The following CAMK2B variants were observed in gnomAD, a reference collection of about 807,000 sequenced individuals.
The protein encoded by CAMK2B is calcium/calmodulin dependent protein kinase II beta.
CAMK2B carries 27 observed loss-of-function variants against 93.7 expected under a neutral mutation model. The observed-to-expected ratio is 0.29, with a 90% confidence interval of 0.21 to 0.40. The LOEUF (loss-of-function observed/expected upper bound fraction) is 0.40, where lower values mean the gene tolerates loss of function less well. Ranked by LOEUF, CAMK2B falls within the 10% of genes least tolerant of loss-of-function variation. The pLI is 1.00. For synonymous variants in CAMK2B, 374 were observed against 358.8 expected, an observed-to-expected ratio of 1.04 and a Z score of -0.48; for missense variants, 568 against 895.8, an observed-to-expected ratio of 0.63 and a Z score of 4.67.
intron 5 of CAMK2B, among the ~76,000 whole-genome samples, chr7:44,253,908 T>TTG (rs201081002): frequency 0.014 from 2,137 of 150,222 alleles, 24 homozygotes; most frequent in Non-Finnish European, 0.02. Context: ...TCAGTTTTTT[T>TTG]TTTTTTTTTT....
chr7:44,317,248 G>GAAAAAAAA (rs556397526), intron 1 of CAMK2B, among the ~76,000 whole-genome samples: 1 of 105,138 alleles, frequency 9.5e-6, no homozygotes. Context: ...CAGGAAAAAT[G>GAAAAAAAA]AAAAAAAAAA....
Position 44,259,061 on chromosome 7 carries a change from CGGGT to C in CAMK2B, c.221-139_221-136del, listed in dbSNP as rs1392314518. 8 of 802,424 alleles carry C rather than the reference CGGGT, an allele frequency of 1.0e-5. No homozygotes were observed. In the African/African-American group the frequency reaches 1.4e-4, roughly 14 times the overall value. The allele number at this position is 802,424 out of a possible 1,614,324, so 49.7% of individuals were successfully genotyped here. On this transcript the variant is annotated intron_variant, in intron 3 of 23. Transcript: ENST00000395749. ...CCAGAGGATCGGGCTGGGTAGGGCC[CGGGT>C]GGGCAGGCCAGAGGGCAGGGCTGAG...
At chr7:44,244,852 C>T in intron 6 of CAMK2B, 1 of 442,046 alleles carries the variant, frequency 2.3e-6, no homozygotes, top group Non-Finnish European at 4.6e-6. Context: ...CTTGACAAGG[C>T]AGCATTGGGG....
chr7:44,239,641 C>T lies in CAMK2B; in HGVS notation c.969G>A (p.Pro323=), dbSNP rs748787629. The part of the protein sequence containing the change: ...NFSVGRQTTA[P]ATMSTAASGT... ...CGGAGGCCGCGGTGGACATTGTGGC[C>T]GGAGCGGTGGTCTGTCTGCCCACTG... Residue 323 remains proline (P), a synonymous_variant, in exon 13 of 24, where the codon CCG becomes CCA. Transcript: ENST00000395749. 4.0e-5 allele frequency: 56 copies of T among 1,396,354 alleles called. No homozygotes were observed. Among genetic ancestry groups the T allele is most frequent in the East Asian group, 1.1e-4 (3 of 27,906 alleles). The allele number at this position is 1,396,354 out of a possible 1,614,324, so 86.5% of individuals were successfully genotyped here.
chr7:44,226,735 A>G (rs1165506096), intron 19 of CAMK2B, 91 bp from the exon 20 acceptor site: 1 of 699,508 alleles, frequency 1.4e-6, no homozygotes, highest in Non-Finnish European at 1.9e-6. Context: ...CCAGAGATTG[A>G]GGGGCACAGA....
chr7:44,264,699 A>G (rs1361347913), intron 2 of CAMK2B, among the ~76,000 whole-genome samples: 1 of 152,138 alleles, frequency 6.6e-6, no homozygotes, highest in Admixed American at 6.5e-5. Flanking sequence ...AGAATACTCC[A>G]GTCCCTGCTC....
intron 3 of CAMK2B, among the ~76,000 whole-genome samples, chr7:44,260,901 A>C (rs2096873967): frequency 6.6e-6 from 1 of 152,058 alleles, no homozygotes. Context: ...CTGGGTCAGC[A>C]CCCTGGGCGG....
At chr7:44,315,688 A>G (rs1440119250) in intron 1 of CAMK2B, among the ~76,000 whole-genome samples, 1 of 152,198 alleles carries the variant, frequency 6.6e-6, no homozygotes, top group Non-Finnish European at 1.5e-5. Flanking sequence ...AAATATTCCA[A>G]TCCATGAACA....
chr7:44,283,687 C>T (rs1474251193), intron 2 of CAMK2B, among the ~76,000 whole-genome samples: 1 of 152,226 alleles, frequency 6.6e-6, no homozygotes, highest in Non-Finnish European at 1.5e-5. Context: ...GAAACTTTGT[C>T]ACTGAGCTCT....
intron 8 of CAMK2B, 46 bp downstream of exon 8, chr7:44,243,204 G>C (rs1245297525): frequency 6.9e-7 from 1 of 1,459,216 alleles, no homozygotes; most frequent in Non-Finnish European, 9.6e-7. Flanking sequence ...GGGAAGTCCT[G>C]AAACACCCGA....
At chr7:44,228,220 C>G (rs1206497327) in intron 19 of CAMK2B, among the ~76,000 whole-genome samples, 1 of 152,014 alleles carries the variant, frequency 6.6e-6, no homozygotes, top group African/African-American at 2.4e-5. Context: ...CCCATGAGGA[C>G]AGCCCAGGTC....
In CAMK2B at chr7:44,243,224, C is replaced by CTG. The variant is rs1468128234; in HGVS notation, c.601+25_601+26insCA. 4.4e-6 allele frequency: 7 copies of CTG among 1,585,992 alleles called. No individual in the cohort carries two copies. In the Admixed American group the frequency reaches 1.2e-4, roughly 26 times the overall value. On this transcript the variant is annotated intron_variant, in intron 8 of 23. Transcript: ENST00000395749. ...GTCCTGAAACACCCGAGGCCCTGCC[C>CTG]CGCACCAACTCAGGCCAGGCCTCAC...
At chr7:44,290,528 A>G (rs965345751) in intron 1 of CAMK2B, among the ~76,000 whole-genome samples, 2 of 152,238 alleles carry the variant, frequency 1.3e-5, no homozygotes, top group African/African-American at 4.8e-5. Context: ...GGGCTCCATG[A>G]GGAGGCCTGG....
intron 1 of CAMK2B, among the ~76,000 whole-genome samples, chr7:44,297,656 A>G (rs907419480): frequency 2.6e-5 from 4 of 152,240 alleles, no homozygotes; most frequent in Non-Finnish European, 5.9e-5. Context: ...GATACTACTC[A>G]AAGTTATCTA....
At chr7:44,235,264 C>T (rs966986111) in intron 13 of CAMK2B, among the ~76,000 whole-genome samples, 2 of 152,238 alleles carry the variant, frequency 1.3e-5, no homozygotes, top group African/African-American at 4.8e-5. Context: ...CAAGGGCAGC[C>T]CTGCTCGCCC....
In CAMK2B at chr7:44,225,304, A is replaced by G. The variant is rs1298972621; in HGVS notation, c.1597+1212T>C. 6.6e-6 allele frequency among the ~76,000 whole-genome samples: 1 copy of G among 152,152 alleles called. No homozygotes were observed. The highest frequency in any genetic ancestry group is 1.5e-5 in the Non-Finnish European group (1 of 68,014). On this transcript the variant is annotated intron_variant, in intron 20 of 23. Transcript: ENST00000395749. This position sits in a 1 kb window ranked among gnomAD's most constrained non-coding sequence, Gnocchi z 5.0. The stretch of plus-strand genomic sequence containing the variant: ...CAAGGGCAGCAAGCCCCTTAAAATC[A>G]GATGAGCTGCTGTAGAAGTGGCAGG...
At position 44,234,624 on chromosome 7, in the gene CAMK2B, C is replaced by A; in HGVS notation, c.1059+15G>T. 6.2e-7 allele frequency: 1 copy of A among 1,613,860 alleles called. No individual in the cohort carries two copies. Among genetic ancestry groups the A allele is most frequent in the Non-Finnish European group, 8.5e-7 (1 of 1,179,798 alleles). On this transcript the variant is annotated intron_variant, in intron 14 of 23. Transcript: ENST00000395749. ...CTGGGCTCCCCGGCACCACAGGGCC[C>A]GGCTGGAGCCTCACCTTGACTCCAT...
chr7:44,241,656 C>A (rs2096680106), intron 11 of CAMK2B, 44 bp downstream of exon 11: 1 of 1,504,400 alleles, frequency 6.6e-7, no homozygotes, highest in South Asian at 1.1e-5. Context: ...CAGAGGGACA[C>A]AGAGAAGCAT....
At chr7:44,239,491 G>T in intron 13 of CAMK2B, 98 bp downstream of exon 13, 3 of 1,165,926 alleles carry the variant, frequency 2.6e-6, no homozygotes, top group Non-Finnish European at 3.7e-6. Context: ...CTCTGGGGCG[G>T]CTCTGGAGCC....
Sources: allele counts gnomAD v4.1 joint callset (sites outside exome capture counted in the v4.1 genomes callset), GRCh38; gene constraint gnomAD v4.1.1; non-coding constraint Gnocchi (gnomAD v3.1); transcripts MANE v1.5; gene names NCBI Gene and HGNC (gene_info 2026-07-23, HGNC 2026-07-21).